The following FAM193A variants were observed in gnomAD, a reference collection of about 807,000 sequenced individuals.
The protein encoded by FAM193A is family with sequence similarity 193 member A, also known as protein FAM193A.
FAM193A carries 22 observed loss-of-function variants against 126.5 expected under a neutral mutation model. The ratio of observed to expected loss-of-function variants is 0.17; its 90% CI spans 0.12 to 0.25. The LOEUF is 0.25. Among genes scored for constraint, FAM193A ranks in the 10% least tolerant of loss-of-function variants. The probability of loss-of-function intolerance (pLI) is 1.00; values close to 1 mark genes in which losing one functional copy is unlikely to be tolerated. For missense variants in FAM193A, 1,675 were observed against 1,672.8 expected (o/e 1.00, Z -0.02); for synonymous variants, 761 against 646.8 (o/e 1.18, Z -2.68).
intron 12 of FAM193A, among the ~76,000 whole-genome samples, chr4:2,669,043 A>G (rs1170900794): frequency 6.6e-6 from 1 of 151,920 alleles, no homozygotes. Flanking sequence ...ACATTTCGCC[A>G]TGTTGGCCAG....
chr4:2,645,825 C>G (rs1230609869), intron 6 of FAM193A, among the ~76,000 whole-genome samples: 1 of 152,174 alleles, frequency 6.6e-6, no homozygotes, highest in Non-Finnish European at 1.5e-5. Context: ...CTGCACCTGA[C>G]CGCCGTCTTT....
At chr4:2,649,122 T>G (rs1324403230) in intron 7 of FAM193A, among the ~76,000 whole-genome samples, 2 of 152,058 alleles carry the variant, frequency 1.3e-5, no homozygotes, top group African/African-American at 4.8e-5. Context: ...ACCTATAATT[T>G]CAGCACTTTG....
At chr4:2,566,581 C>T (rs1164902295) in intron 1 of FAM193A, among the ~76,000 whole-genome samples, 2 of 151,836 alleles carry the variant, frequency 1.3e-5, no homozygotes, top group Non-Finnish European at 2.9e-5. Context: ...CCCAGCTACT[C>T]GGGAGGCTGA....
Position 2,619,271 on chromosome 4 carries a change from A to G in FAM193A, c.502-5991A>G, listed in dbSNP as rs1361201761. On this transcript the variant is annotated intron_variant, in intron 2 of 20. Transcript: ENST00000637812. ...ATTTCAGATTCTTGACAGTTGTATC[A>G]TCTCTATTTTTGGGGAGATCTGTTT... 3.3e-5 allele frequency among the ~76,000 whole-genome samples: 5 copies of G among 151,778 alleles called. No homozygotes were observed. In the East Asian group the frequency reaches 9.6e-4, roughly 29 times the overall value.
At chr4:2,577,411 G>GTTTTTTTTTTT (rs67407606) in intron 1 of FAM193A, among the ~76,000 whole-genome samples, 44 of 101,868 alleles carry the variant, frequency 4.3e-4, no homozygotes, top group Non-Finnish European at 6.6e-4. Context: ...AATTAAAGTG[G>GTTTTTTTTTTT]TTTTTTTTTT....
chr4:2,590,861 A>G (rs1740528958), intron 1 of FAM193A, among the ~76,000 whole-genome samples: 4 of 151,822 alleles, frequency 2.6e-5, no homozygotes. Context: ...CCCCGTCTCT[A>G]CTAAAAATAC....
intron 8 of FAM193A, among the ~76,000 whole-genome samples, chr4:2,659,127 G>A (rs1712080106): frequency 6.6e-6 from 1 of 152,068 alleles, no homozygotes; most frequent in Admixed American, 6.6e-5. Context: ...CTTCTCCTTT[G>A]AAATGCAGAT....
chr4:2,552,737 C>T (rs866157405), intron 1 of FAM193A, among the ~76,000 whole-genome samples: 9 of 150,896 alleles, frequency 6.0e-5, no homozygotes, highest in Middle Eastern at 3.4e-3. Flanking sequence ...CGGGGTTTCA[C>T]CGTGTTAGCC....
At chr4:2,715,420 G>A (rs1019583786) in intron 19 of FAM193A, 1 of 786,856 alleles carries the variant, frequency 1.3e-6, no homozygotes, top group Non-Finnish European at 1.5e-6. Flanking sequence ...CCGAGATCAT[G>A]CCTGGGTGAC....
intron 2 of FAM193A, among the ~76,000 whole-genome samples, chr4:2,612,037 C>T (rs1042891512): frequency 5.4e-4 from 82 of 151,530 alleles, no homozygotes; most frequent in African/African-American, 1.9e-3. Context: ...AGGATTTCAC[C>T]GTGTTAGCCA....
intron 7 of FAM193A, 24 bp downstream of exon 7, chr4:2,646,856 C>T (rs2109053499): frequency 1.3e-6 from 2 of 1,596,520 alleles, no homozygotes; most frequent in East Asian, 2.2e-5. Flanking sequence ...GGGACCACCG[C>T]ACCCCGCGCA....
intron 1 of FAM193A, among the ~76,000 whole-genome samples, chr4:2,558,234 A>G (rs1738382932): frequency 6.6e-6 from 1 of 151,052 alleles, no homozygotes; most frequent in South Asian, 2.1e-4. Context: ...GTGCTACTGT[A>G]TTTCATCGTG....
At chr4:2,708,259 G>C in intron 19 of FAM193A, 1 of 380,394 alleles carries the variant, frequency 2.6e-6, no homozygotes, top group Non-Finnish European at 5.3e-6. Flanking sequence ...CCAAGTAGTT[G>C]GAATTACAGG....
At chr4:2,595,558 T>A (rs1740807744) in intron 1 of FAM193A, among the ~76,000 whole-genome samples, 1 of 152,240 alleles carries the variant, frequency 6.6e-6, no homozygotes, top group Non-Finnish European at 1.5e-5. Flanking sequence ...GAGCTCAGCA[T>A]CATTACTGCT....
At chr4:2,643,538 A>G (rs915378119) in intron 6 of FAM193A, among the ~76,000 whole-genome samples, 1 of 49,368 alleles carries the variant, frequency 2.0e-5, no homozygotes, top group Non-Finnish European at 3.4e-5. Context: ...CACCCGAAAC[A>G]GTAACTCTAC....
intron 1 of FAM193A, among the ~76,000 whole-genome samples, chr4:2,555,316 T>C (rs1701304873): frequency 6.6e-6 from 1 of 152,224 alleles, no homozygotes; most frequent in Non-Finnish European, 1.5e-5. Context: ...TTGTTTTTAC[T>C]ATGGAAGTAA....
intron 17 of FAM193A, among the ~76,000 whole-genome samples, chr4:2,695,382 A>T (rs987022047): frequency 6.6e-6 from 1 of 152,194 alleles, no homozygotes; most frequent in Admixed American, 6.5e-5. Context: ...CATTGGTAGG[A>T]GGTTGTTAAC....
chr4:2,551,389 A>C (rs547993391), intron 1 of FAM193A, among the ~76,000 whole-genome samples: 1 of 152,202 alleles, frequency 6.6e-6, no homozygotes, highest in African/African-American at 2.4e-5. Context: ...AGTGCTGAAA[A>C]AGTTTCAGAT....
rs1721478211 is a variant in FAM193A at position 2,732,205 on chromosome 4, C to CCTCT, written c.*337_*338insCTCT. ...ACGTGGCTCCGTTGCCTCTGCATTG[C>CCTCT]GCCCTGTCCTGTCATGTGTCCTCAC... On this transcript the variant is annotated 3_prime_UTR_variant, in exon 21 of 21. Transcript: ENST00000637812. 1 of 355,406 alleles carries CCTCT rather than the reference C, an allele frequency of 2.8e-6. No homozygotes were observed. The highest frequency in any genetic ancestry group is 5.4e-6 in the Non-Finnish European group (1 of 184,874). 22.0% of individuals were successfully genotyped at this position (355,406 alleles called of 1,614,324 possible).
Sources: allele counts gnomAD v4.1 joint callset (sites outside exome capture counted in the v4.1 genomes callset), GRCh38; gene constraint gnomAD v4.1.1; transcripts MANE v1.5; gene names NCBI Gene and HGNC (gene_info 2026-07-23, HGNC 2026-07-21).